NUP58: variants seen among roughly 807,000 people sequenced by gnomAD.
The protein encoded by NUP58 is nucleoporin 58.
Under a neutral mutation model 70.1 loss-of-function variants are expected in NUP58, and 17 were observed. That is an observed-to-expected ratio of 0.24 (90% CI 0.17 to 0.36). The LOEUF (loss-of-function observed/expected upper bound fraction) is 0.36. NUP58 is among the 10% of genes least tolerant of loss of function. The probability of loss-of-function intolerance (pLI) is 1.00; values close to 1 mark genes in which losing one functional copy is unlikely to be tolerated. For synonymous variants in NUP58, 275 were observed against 257.6 expected (o/e 1.07, Z -0.65); for missense variants, 644 against 701.5 (o/e 0.92, Z 0.93).
At chr13:25,312,587 T>C in intron 3 of NUP58, among the ~76,000 whole-genome samples, 2 of 152,162 alleles carry the variant, frequency 1.3e-5, no homozygotes, top group East Asian at 3.9e-4. Context: ...AGGCTGGTCT[T>C]GAACTCCTGA....
intron 9 of NUP58, among the ~76,000 whole-genome samples, chr13:25,322,127 T>G (rs2031212662): frequency 6.6e-6 from 1 of 152,250 alleles, no homozygotes; most frequent in Non-Finnish European, 1.5e-5. Flanking sequence ...CATAGCAGTC[T>G]AGAAATCTTT....
intron 1 of NUP58, among the ~76,000 whole-genome samples, chr13:25,302,132 A>G (rs913944091): frequency 6.6e-6 from 1 of 152,200 alleles, no homozygotes; most frequent in South Asian, 2.1e-4. Flanking sequence ...TAGTTCAGGC[A>G]TTATTTGGAC....
At chr13:25,343,890 C>CTGTTG (rs57720709), downstream of NUP58, among the ~76,000 whole-genome samples, 6 of 149,188 alleles carry the variant, frequency 4.0e-5, no homozygotes, top group Admixed American at 2.0e-4. Flanking sequence ...CAACTATTCT[C>CTGTTG]TGGATGGTTA....
chr13:25,331,775 T>C (rs1370040019), intron 13 of NUP58: 2 of 1,386,058 alleles, frequency 1.4e-6, no homozygotes, highest in Non-Finnish European at 1.9e-6. Flanking sequence ...TATTGAATAT[T>C]GTGAATCTAC....
chr13:25,339,929 A>T, intron 15 of NUP58, 36 bp from the exon 16 acceptor site: 1 of 1,514,018 alleles, frequency 6.6e-7, no homozygotes, highest in South Asian at 1.3e-5. Context: ...TTGGAATTCA[A>T]CTTCTGATAT....
chr13:25,345,207 G>A (rs1421201801), downstream of NUP58, among the ~76,000 whole-genome samples: 1 of 151,234 alleles, frequency 6.6e-6, no homozygotes, highest in Middle Eastern at 3.2e-3. Context: ...CAACTTACTT[G>A]AGGTCGCATA....
intron 13 of NUP58, chr13:25,334,878 G>GTA: frequency 1.0e-6 from 1 of 984,560 alleles, no homozygotes; most frequent in Non-Finnish European, 1.2e-6. Flanking sequence ...CCAGTCATTG[G>GTA]TATATATCAC....
At chr13:25,323,592 C>T (rs9511754) in intron 9 of NUP58, among the ~76,000 whole-genome samples, 125,373 of 152,120 alleles carry the variant, frequency 0.82, 56,661 homozygotes, top group Non-Finnish European at 1. Flanking sequence ...AACCCTAAAA[C>T]CTTTTCTTCA....
chr13:25,314,869 T>C (rs2030852719), intron 5 of NUP58, among the ~76,000 whole-genome samples: 1 of 152,142 alleles, frequency 6.6e-6, no homozygotes, highest in Admixed American at 6.5e-5. Context: ...TTCTAATACT[T>C]TTTTTTAAGT....
chr13:25,335,934 C>G, intron 13 of NUP58: 1 of 1,094,852 alleles, frequency 9.1e-7, no homozygotes, highest in Non-Finnish European at 1.1e-6. Flanking sequence ...AATTATTTAT[C>G]CAAATGAGAG....
rs748756498 is a variant in NUP58, at chr13:25,319,308, G to C, written c.686-18G>C. 72 of 1,611,306 alleles carry C rather than the reference G, an allele frequency of 4.5e-5. No individual in the cohort carries two copies. Among genetic ancestry groups the C allele is most frequent in the East Asian group, 4.0e-4 (18 of 44,732 alleles). On this transcript the variant is annotated intron_variant, in intron 6 of 15. Transcript: ENST00000381736. Reference sequence around the variant, plus strand: ...CAATTACCAATTTTTTTTACGTGAAGCTTCTTGAATTTTCTAGGTGATAAA... The same window carrying C: ...CAATTACCAATTTTTTTTACGTGAACCTTCTTGAATTTTCTAGGTGATAAA...
At chr13:25,319,247 G>T in intron 6 of NUP58, 79 bp from the exon 7 acceptor site, 2 of 1,172,660 alleles carry the variant, frequency 1.7e-6, no homozygotes, top group Non-Finnish European at 2.6e-6. Context: ...ACTTTAATTT[G>T]TGTTAATTTA....
intron 9 of NUP58, among the ~76,000 whole-genome samples, chr13:25,324,739 A>T (rs2031325388): frequency 6.6e-6 from 1 of 152,190 alleles, no homozygotes; most frequent in Non-Finnish European, 1.5e-5. Flanking sequence ...CGTGAATCCT[A>T]CAGAAATCTA....
At position 25,340,054 on chromosome 13, in the gene NUP58, G is replaced by T. The variant is rs544537847; in HGVS notation, c.1720G>T (p.Ala574Ser). The T allele has an allele frequency of 6.2e-7, 1 of 1,613,864 alleles. No individual in the cohort carries two copies. Among genetic ancestry groups the T allele is most frequent in the South Asian group, 1.1e-5 (1 of 91,028 alleles). The change falls in exon 16 of 16, where the codon GCC becomes TCC. Residue 574 changes from alanine to serine, a missense_variant. Ala to Ser is a moderately conservative substitution (Grantham distance 99). This residue lies in a region of NUP58 where 132 missense variants were observed against 203.9 expected (regional missense o/e 0.65). Transcript: ENST00000381736. ...TTTGACTTTTGGGGTGTCCAATCCTGCCTCTGCAGGTTTTGGAACAGGAGG... is the reference window on the plus strand; with the variant it reads ...TTTGACTTTTGGGGTGTCCAATCCTTCCTCTGCAGGTTTTGGAACAGGAGG... ...AGLTFGVSNP[A>S]SAGFGTGGQL...
At chr13:25,339,243 TTTATA>T (rs907368926) in intron 15 of NUP58, among the ~76,000 whole-genome samples, 81 of 152,192 alleles carry the variant, frequency 5.3e-4, no homozygotes, top group Non-Finnish European at 5.7e-4. Context: ...TACTTTTGCA[TTTATA>T]TTGGTAAATA....
intron 3 of NUP58, among the ~76,000 whole-genome samples, chr13:25,348,990 G>C (rs115256960): frequency 1.1e-3 from 162 of 152,236 alleles, no homozygotes; most frequent in African/African-American, 2.8e-3. Flanking sequence ...ACCAGGGGCT[G>C]TTTCTTTTGT....
chr13:25,339,208 C>T (rs1046357754), intron 15 of NUP58, among the ~76,000 whole-genome samples: 2 of 152,016 alleles, frequency 1.3e-5, no homozygotes, highest in Non-Finnish European at 2.9e-5. Context: ...TTTGACTCTT[C>T]TTATGAAAAA....
At chr13:25,347,206 A>G (rs1308974372), downstream of NUP58, among the ~76,000 whole-genome samples, 1 of 152,106 alleles carries the variant, frequency 6.6e-6, no homozygotes, top group Non-Finnish European at 1.5e-5. Flanking sequence ...CAAGTTTCAG[A>G]TTTTGGAGCA....
At chr13:25,329,683 G>A (rs937902227) in intron 12 of NUP58, among the ~76,000 whole-genome samples, 2 of 152,026 alleles carry the variant, frequency 1.3e-5, no homozygotes, top group African/African-American at 4.8e-5. Flanking sequence ...TGTTCGTTTT[G>A]TTTTTCATTA....
Sources: gnomAD v4.1 joint callset for allele counts (sites outside exome capture counted in the v4.1 genomes callset) on GRCh38, gnomAD v4.1.1 for gene constraint, gnomAD v4.1.1 regional missense constraint, MANE v1.5 for transcripts, NCBI Gene and HGNC (gene_info 2026-07-23, HGNC 2026-07-21) for gene names.